CNTN4: variants seen among roughly 807,000 people sequenced by gnomAD.
The protein encoded by CNTN4 is contactin 4.
In CNTN4, 77 loss-of-function variants were observed where a neutral mutation model predicts 122.5. That is an observed-to-expected ratio of 0.63 (90% confidence interval 0.52 to 0.76). The LOEUF (loss-of-function observed/expected upper bound fraction) is 0.76, where lower values mean the gene tolerates loss of function less well. CNTN4 is among the 30% of genes least tolerant of loss of function. CNTN4 has a pLI of 0.00. For synonymous variants in CNTN4, 512 were observed against 447.0 expected (o/e 1.15, Z -1.83); for missense variants, 1,256 against 1,259.1 (o/e 1.00, Z 0.04).
At chr3:2,537,428 G>C (rs184305291) in intron 3 of CNTN4, among the ~76,000 whole-genome samples, 1 of 152,072 alleles carries the variant, frequency 6.6e-6, no homozygotes, top group Non-Finnish European at 1.5e-5. Context: ...TGATGTTGCC[G>C]TTTGTCACCA....
chr3:2,795,750 G>C (rs1559511783), intron 6 of CNTN4, among the ~76,000 whole-genome samples: 1 of 151,950 alleles, frequency 6.6e-6, no homozygotes, highest in African/African-American at 2.4e-5. Context: ...TCGATCTCCT[G>C]ACCTGGTGAT....
chr3:2,627,711 T>C lies in CNTN4; in HGVS notation c.55+56153T>C, dbSNP rs372789639. On this transcript the variant is annotated intron_variant, in intron 4 of 24. Coordinates refer to ENST00000418658, the MANE Select transcript of CNTN4 (RefSeq NM_175607.3). ...GGTTTCACCGTGTTAGCCAGGATGGTCTCGATCTCCTGACCTTGTGATCTG... is the reference window on the plus strand; with the variant it reads ...GGTTTCACCGTGTTAGCCAGGATGGCCTCGATCTCCTGACCTTGTGATCTG... 4.8e-3 allele frequency among the ~76,000 whole-genome samples: 724 copies of C among 152,140 alleles called. 7 individuals are homozygous for C. Among genetic ancestry groups the C allele is most frequent in the Non-Finnish European group, 4.2e-3 (284 of 67,994 alleles).
intron 3 of CNTN4, among the ~76,000 whole-genome samples, chr3:2,372,579 G>A (rs781156456): frequency 6.6e-6 from 1 of 152,176 alleles, no homozygotes; most frequent in Non-Finnish European, 1.5e-5. Flanking sequence ...ATAAAGGAAA[G>A]CAATGTTTCC....
At chr3:2,420,832 G>C (rs2047588418) in intron 3 of CNTN4, among the ~76,000 whole-genome samples, 1 of 152,150 alleles carries the variant, frequency 6.6e-6, no homozygotes, top group African/African-American at 2.4e-5. Flanking sequence ...TTGTTTTAGA[G>C]TCTGCTTCTG....
At chr3:2,380,289 A>G (rs1227145785) in intron 3 of CNTN4, among the ~76,000 whole-genome samples, 2 of 119,038 alleles carry the variant, frequency 1.7e-5, no homozygotes. Flanking sequence ...CTCAATGGTA[A>G]CATTAGGGTT....
At chr3:2,616,242 G>T (rs548446649) in intron 4 of CNTN4, among the ~76,000 whole-genome samples, 1 of 151,794 alleles carries the variant, frequency 6.6e-6, no homozygotes, top group East Asian at 1.9e-4. Flanking sequence ...GAGAACATGC[G>T]GTATTTGGTT....
chr3:2,812,801 G>C (rs535772176), intron 6 of CNTN4, among the ~76,000 whole-genome samples: 1 of 152,132 alleles, frequency 6.6e-6, no homozygotes, highest in Non-Finnish European at 1.5e-5. Flanking sequence ...AGGAATTATT[G>C]TCCTGACATT....
chr3:2,882,517 A>T (rs1313248451), intron 8 of CNTN4, among the ~76,000 whole-genome samples: 2 of 152,210 alleles, frequency 1.3e-5, no homozygotes, highest in African/African-American at 4.8e-5. Flanking sequence ...GACCCTCCAA[A>T]TAAGTGTGCC....
In CNTN4 at chr3:2,363,751, T is replaced by G. The variant is rs553720427; in HGVS notation, c.-89+24518T>G. Among the ~76,000 whole-genome samples the G allele has an allele frequency of 2.6e-4, 39 of 152,322 alleles. 1 individual carries two copies. In the East Asian group the frequency reaches 6.0e-3, roughly 23 times the overall value. On this transcript the variant is annotated intron_variant, in intron 3 of 24. Coordinates refer to ENST00000418658, the MANE Select transcript of CNTN4 (RefSeq NM_175607.3). ...TTTCACGAAGATAGAGAATAACTGG[T>G]CAGCATCCTCTTCAAAGTGGCTTTC...
chr3:3,042,967 A>T lies in CNTN4; in HGVS notation c.2512-10A>T. On this transcript the variant is annotated splice_polypyrimidine_tract_variant and intron_variant, in intron 21 of 24. Transcript: ENST00000418658. ...TATGGTTTCCAAGGTCTTTCTGTTT[A>T]TCTTCTTAGGTTAAATATTGGAGAC... is the stretch of plus-strand genomic sequence containing the variant. 3 of 1,610,898 alleles carry T rather than the reference A, an allele frequency of 1.9e-6. No homozygotes were observed. The highest frequency in any genetic ancestry group is 1.7e-6 in the Non-Finnish European group (2 of 1,177,088).
chr3:2,533,888 G>T (rs375895057), intron 3 of CNTN4, among the ~76,000 whole-genome samples: 1 of 151,958 alleles, frequency 6.6e-6, no homozygotes. Flanking sequence ...TCATGTGTCT[G>T]TTGGCTGCAC....
intron 3 of CNTN4, among the ~76,000 whole-genome samples, chr3:2,372,160 G>A (rs1312410687): frequency 6.6e-6 from 1 of 152,190 alleles, no homozygotes; most frequent in Non-Finnish European, 1.5e-5. Flanking sequence ...ACATCCTGGG[G>A]AGGGGGTAAT....
At chr3:2,585,528 T>C (rs1425912908) in intron 4 of CNTN4, among the ~76,000 whole-genome samples, 6 of 152,146 alleles carry the variant, frequency 3.9e-5, no homozygotes, top group Admixed American at 3.9e-4. Flanking sequence ...GATGAGTTCA[T>C]GTCCTTTGTA....
intron 8 of CNTN4, among the ~76,000 whole-genome samples, chr3:2,880,600 C>G (rs1349461868): frequency 6.6e-6 from 1 of 152,214 alleles, no homozygotes; most frequent in Non-Finnish European, 1.5e-5. Context: ...CCAGCCCAGA[C>G]TCAGGGGCAA....
intron 3 of CNTN4, among the ~76,000 whole-genome samples, chr3:2,414,642 T>G (rs949045335): frequency 6.6e-6 from 1 of 152,046 alleles, no homozygotes; most frequent in Non-Finnish European, 1.5e-5. Flanking sequence ...AAACAAACCA[T>G]TAACTGTAGA....
At chr3:2,839,467 G>A (rs546730207) in intron 7 of CNTN4, among the ~76,000 whole-genome samples, 2 of 151,686 alleles carry the variant, frequency 1.3e-5, no homozygotes, top group South Asian at 4.2e-4. Context: ...GATGCTGTTG[G>A]TGATTTTTGT....
chr3:2,226,117 C>G (rs534695845), intron 2 of CNTN4, among the ~76,000 whole-genome samples: 2 of 151,560 alleles, frequency 1.3e-5, no homozygotes, highest in Non-Finnish European at 2.9e-5. Flanking sequence ...CATCAAAATA[C>G]GGCACCCACG....
At chr3:2,538,309 C>A (rs1326776886) in intron 3 of CNTN4, among the ~76,000 whole-genome samples, 2 of 152,058 alleles carry the variant, frequency 1.3e-5, no homozygotes, top group East Asian at 3.9e-4. Flanking sequence ...CAATACATTT[C>A]TCTTGTTTAA....
At chr3:2,840,584 A>G (rs1281121073) in intron 7 of CNTN4, among the ~76,000 whole-genome samples, 1 of 82,174 alleles carries the variant, frequency 1.2e-5, no homozygotes, top group African/African-American at 3.4e-5. Context: ...CTGTAGTCCC[A>G]GCTACTCGGG....
Sources: allele counts gnomAD v4.1 joint callset (sites outside exome capture counted in the v4.1 genomes callset), GRCh38; gene constraint gnomAD v4.1.1; transcripts MANE v1.5; gene names NCBI Gene and HGNC (gene_info 2026-07-23, HGNC 2026-07-21).